The following TSPAN18 variants were observed in gnomAD, a reference collection of about 807,000 sequenced individuals.
The protein encoded by TSPAN18 is tetraspanin-18.
A neutral mutation model predicts 27.3 loss-of-function variants in TSPAN18; 14 were observed. That is an observed-to-expected ratio of 0.51 (90% CI 0.34 to 0.80). The LOEUF (loss-of-function observed/expected upper bound fraction) is 0.80, where lower values mean the gene tolerates loss of function less well. Ranked by LOEUF, TSPAN18 falls within the 30% of genes least tolerant of loss-of-function variation. The probability of loss-of-function intolerance (pLI) is 0.01; values close to 1 mark genes in which losing one functional copy is unlikely to be tolerated. For synonymous variants in TSPAN18, 143 were observed against 136.5 expected (o/e 1.05, Z -0.33); for missense variants, 268 against 323.9 (o/e 0.83, Z 1.32).
chr11:44,811,595 G>C (rs1737017446), intron 2 of TSPAN18, among the ~76,000 whole-genome samples: 2 of 152,000 alleles, frequency 1.3e-5, no homozygotes, highest in South Asian at 4.2e-4. Context: ...GAGAAGCTGG[G>C]ATTACAGGCA....
chr11:44,744,995 A>G (rs1395824061), intron 1 of TSPAN18, among the ~76,000 whole-genome samples: 1 of 152,184 alleles, frequency 6.6e-6, no homozygotes, highest in Non-Finnish European at 1.5e-5. Flanking sequence ...AGGAGGGTGG[A>G]ATGCTAGCAA....
At chr11:44,753,951 C>G (rs189359825) in intron 1 of TSPAN18, among the ~76,000 whole-genome samples, 61 of 152,278 alleles carry the variant, frequency 4.0e-4, no homozygotes, top group Admixed American at 3.5e-3. Flanking sequence ...CTAGGACTCC[C>G]TTGACCGAGC....
chr11:44,739,845 G>A (rs1304240614), intron 1 of TSPAN18, among the ~76,000 whole-genome samples: 1 of 152,210 alleles, frequency 6.6e-6, no homozygotes. Context: ...GGTGCTTGAG[G>A]TTGGAGGAAC....
At chr11:44,907,345 G>A (rs1349406000) in intron 4 of TSPAN18, among the ~76,000 whole-genome samples, 1 of 152,182 alleles carries the variant, frequency 6.6e-6, no homozygotes, top group Non-Finnish European at 1.5e-5. Flanking sequence ...GCCAAGACCT[G>A]GGTGAATAAA....
At chr11:44,819,470 C>T (rs1259892815) in intron 2 of TSPAN18, among the ~76,000 whole-genome samples, 4 of 152,118 alleles carry the variant, frequency 2.6e-5, no homozygotes, top group Non-Finnish European at 5.9e-5. Context: ...TTTAAAACTG[C>T]TAATTGTCAG....
At chr11:44,814,124 A>G (rs57617780) in intron 2 of TSPAN18, among the ~76,000 whole-genome samples, 3,643 of 152,342 alleles carry the variant, frequency 0.024, 146 homozygotes, top group African/African-American at 0.084. Flanking sequence ...GCATCTCTGC[A>G]GAGAACCAGA....
At chr11:44,775,621 A>G (rs1590449014) in intron 2 of TSPAN18, among the ~76,000 whole-genome samples, 1 of 151,164 alleles carries the variant, frequency 6.6e-6, no homozygotes, top group Admixed American at 6.6e-5. Context: ...GTACATTTGC[A>G]CTCCTCTTGG....
chr11:44,909,679 C>T, intron 4 of TSPAN18, 26 bp from the exon 5 acceptor site: 1 of 1,596,032 alleles, frequency 6.3e-7, no homozygotes, highest in Non-Finnish European at 8.5e-7. Flanking sequence ...TGTTTCTCCT[C>T]CCAACTCCTC....
chr11:44,868,038 C>T (rs1359365697), intron 3 of TSPAN18, among the ~76,000 whole-genome samples: 3 of 152,196 alleles, frequency 2.0e-5, no homozygotes, highest in Non-Finnish European at 2.9e-5. Context: ...GCAGTCATTG[C>T]AAGGCCTCCA....
chr11:44,853,684 C>G (rs1351828369), intron 2 of TSPAN18, among the ~76,000 whole-genome samples: 1 of 152,210 alleles, frequency 6.6e-6, no homozygotes, highest in African/African-American at 2.4e-5. Context: ...TGGTAACCCC[C>G]GCCCCATGCA....
rs181260772 is a variant in TSPAN18, at chr11:44,917,030, G to A, written c.259-942G>A. Among the ~76,000 whole-genome samples, 70 of 152,288 alleles carry A rather than the reference G, an allele frequency of 4.6e-4. No homozygotes were observed. In the East Asian group the frequency reaches 7.7e-3, roughly 17 times the overall value. ...GCCTTCATGGCGAGTGCTCCACCCC[G>A]GCTCATTCATCCATGTAAGAGTCCT... On this transcript the variant is annotated intron_variant, in intron 5 of 9. Transcript: ENST00000520358.
At chr11:44,887,201 C>A (rs1005936021) in intron 3 of TSPAN18, among the ~76,000 whole-genome samples, 2 of 152,210 alleles carry the variant, frequency 1.3e-5, no homozygotes, top group Admixed American at 1.3e-4. Context: ...TGCCCCATGC[C>A]CCAACCTCTG....
chr11:44,882,627 C>CACACACACACACAGAGAG (rs375349718), intron 3 of TSPAN18, among the ~76,000 whole-genome samples: 10 of 130,692 alleles, frequency 7.7e-5, no homozygotes, highest in South Asian at 2.6e-4. Flanking sequence ...CACACACACA[C>CACACACACACACAGAGAG]AGAGAGAGAG....
chr11:44,922,011 C>T (rs556681321), intron 8 of TSPAN18, among the ~76,000 whole-genome samples: 2 of 152,260 alleles, frequency 1.3e-5, no homozygotes, highest in East Asian at 3.9e-4. Context: ...TTTGCTGAGA[C>T]ATTCATGTCC....
intron 2 of TSPAN18, among the ~76,000 whole-genome samples, chr11:44,842,476 G>A (rs1055398324): frequency 7.2e-5 from 11 of 152,198 alleles, no homozygotes; most frequent in Admixed American, 2.0e-4. Flanking sequence ...TTTTGGAGCA[G>A]AGTCCAGGCA....
intron 1 of TSPAN18, among the ~76,000 whole-genome samples, chr11:44,752,939 T>C (rs926065097): frequency 1.3e-5 from 2 of 152,218 alleles, no homozygotes; most frequent in Non-Finnish European, 2.9e-5. Flanking sequence ...TAGAATCCCC[T>C]GGGTAATTAC....
intron 2 of TSPAN18, among the ~76,000 whole-genome samples, chr11:44,791,941 C>T (rs1190740167): frequency 2.0e-5 from 3 of 152,148 alleles, no homozygotes; most frequent in Non-Finnish European, 4.4e-5. Flanking sequence ...TTCAAAAATA[C>T]TTATTGAGCA....
chr11:44,818,728 C>T (rs1188930026), intron 2 of TSPAN18, among the ~76,000 whole-genome samples: 1 of 152,172 alleles, frequency 6.6e-6, no homozygotes, highest in Non-Finnish European at 1.5e-5. Flanking sequence ...GTACTGACCG[C>T]TCATGTGCCA....
chr11:44,754,193 C>T (rs1281421037), intron 1 of TSPAN18, among the ~76,000 whole-genome samples: 1 of 152,158 alleles, frequency 6.6e-6, no homozygotes, highest in Non-Finnish European at 1.5e-5. Context: ...TGGACTTGAG[C>T]AGGGAAGCAT....
Sources: gnomAD v4.1 joint callset for allele counts (sites outside exome capture counted in the v4.1 genomes callset) on GRCh38, gnomAD v4.1.1 for gene constraint, MANE v1.5 for transcripts, NCBI Gene and HGNC (gene_info 2026-07-23, HGNC 2026-07-21) for gene names.